NMNAT3: variants seen among roughly 807,000 people sequenced by gnomAD.
The protein encoded by NMNAT3 is nicotinamide/nicotinic acid mononucleotide adenylyltransferase 3.
NMNAT3 carries 21 observed loss-of-function variants against 24.8 expected under a neutral mutation model. The observed-to-expected ratio is 0.85, with a 90% CI of 0.60 to 1.22. The LOEUF is 1.22. Among genes scored for constraint, NMNAT3 ranks in the 50% most tolerant of loss-of-function variants. NMNAT3 has a pLI of 0.00. For synonymous variants in NMNAT3, 136 were observed against 155.2 expected, an observed-to-expected ratio of 0.88 and a Z score of 0.92; for missense variants, 387 against 436.6, an observed-to-expected ratio of 0.89 and a Z score of 1.01.
At chr3:139,656,625 CA>C (rs1271264622) in intron 1 of NMNAT3, among the ~76,000 whole-genome samples, 1 of 152,102 alleles carries the variant, frequency 6.6e-6, no homozygotes, top group African/African-American at 2.4e-5. Context: ...CCCATATCTA[CA>C]AAACTGTTTT....
At chr3:139,666,414 C>T (rs1286287297) in intron 1 of NMNAT3, among the ~76,000 whole-genome samples, 2 of 152,144 alleles carry the variant, frequency 1.3e-5, no homozygotes, top group African/African-American at 4.8e-5. Context: ...AGCTGCCAGC[C>T]GCCATCAATT....
chr3:139,619,989 A>T (rs79374472), intron 3 of NMNAT3, among the ~76,000 whole-genome samples: 3 of 152,084 alleles, frequency 2.0e-5, no homozygotes, highest in Non-Finnish European at 4.4e-5. Flanking sequence ...CCAGTCTTCA[A>T]ATTTCTCCAA....
At chr3:139,630,180 G>C (rs186205564) in intron 2 of NMNAT3, among the ~76,000 whole-genome samples, 1 of 152,188 alleles carries the variant, frequency 6.6e-6, no homozygotes, top group East Asian at 1.9e-4. Flanking sequence ...AAGAACACAA[G>C]AGCTTTTTTA....
intron 5 of NMNAT3, among the ~76,000 whole-genome samples, chr3:139,574,234 G>T (rs1938931001): frequency 6.6e-6 from 1 of 152,248 alleles, no homozygotes; most frequent in Admixed American, 6.5e-5. Flanking sequence ...GCCAGGGCTT[G>T]CAGCCAGATG....
intron 3 of NMNAT3, among the ~76,000 whole-genome samples, chr3:139,624,483 C>T (rs1289817225): frequency 6.6e-6 from 1 of 151,102 alleles, no homozygotes; most frequent in African/African-American, 2.4e-5. Context: ...AGTCTCGCTG[C>T]ACTCCCCAGG....
At chr3:139,676,298 G>A (rs532053074) in intron 1 of NMNAT3, among the ~76,000 whole-genome samples, 1 of 152,340 alleles carries the variant, frequency 6.6e-6, no homozygotes, top group Middle Eastern at 3.4e-3. Context: ...AAAATACAGT[G>A]AGCAGCTGAC....
chr3:139,612,989 T>A (rs1182632398), intron 3 of NMNAT3, among the ~76,000 whole-genome samples: 1 of 152,164 alleles, frequency 6.6e-6, no homozygotes, highest in Non-Finnish European at 1.5e-5. Flanking sequence ...CAATTCAAGA[T>A]GGATTAAAGA....
At chr3:139,620,165 G>T (rs1190952821) in intron 3 of NMNAT3, among the ~76,000 whole-genome samples, 2 of 141,290 alleles carry the variant, frequency 1.4e-5, no homozygotes, top group African/African-American at 2.6e-5. Flanking sequence ...AGAATGTATT[G>T]TATCTTATGT....
intron 1 of NMNAT3, among the ~76,000 whole-genome samples, chr3:139,643,387 G>C (rs1014092992): frequency 2.0e-5 from 3 of 152,122 alleles, no homozygotes; most frequent in African/African-American, 7.2e-5. Context: ...ATTAAAAACA[G>C]TGATACAAAC....
intron 1 of NMNAT3, among the ~76,000 whole-genome samples, chr3:139,676,238 A>G (rs925161793): frequency 1.3e-5 from 2 of 152,200 alleles, no homozygotes; most frequent in Non-Finnish European, 1.5e-5. Context: ...TTTGTCTACA[A>G]CAATGTTGTG....
chr3:139,579,578 C>T (rs760806051), intron 4 of NMNAT3, among the ~76,000 whole-genome samples: 2 of 152,116 alleles, frequency 1.3e-5, no homozygotes, highest in Admixed American at 6.5e-5. Context: ...CCACCACTGA[C>T]CTGGGAGGAA....
chr3:139,582,903 A>G (rs1037568131), intron 4 of NMNAT3: 17 of 1,375,770 alleles, frequency 1.2e-5, no homozygotes, highest in Non-Finnish European at 1.5e-5. Context: ...GAGCAGTCCA[A>G]AAAAATATAT....
intron 1 of NMNAT3, among the ~76,000 whole-genome samples, chr3:139,657,194 C>A (rs2057273350): frequency 6.6e-6 from 1 of 152,218 alleles, no homozygotes; most frequent in South Asian, 2.1e-4. Flanking sequence ...GGGGCAGAAA[C>A]TAACAGGAGC....
intron 5 of NMNAT3, 42 bp from the exon 6 acceptor site, chr3:139,573,722 A>G: frequency 3.6e-6 from 4 of 1,096,690 alleles, no homozygotes; most frequent in East Asian, 2.6e-5. Context: ...TCTGTCCTCC[A>G]GCCCTCAAAG....
chr3:139,647,080 T>C (rs2056896333), intron 1 of NMNAT3, among the ~76,000 whole-genome samples: 1 of 152,266 alleles, frequency 6.6e-6, no homozygotes, highest in Admixed American at 6.5e-5. Flanking sequence ...AATAGATAGC[T>C]TCTCAATTTC....
intron 4 of NMNAT3, among the ~76,000 whole-genome samples, chr3:139,581,199 A>G (rs1337656669): frequency 1.3e-5 from 2 of 152,250 alleles, no homozygotes; most frequent in African/African-American, 4.8e-5. Flanking sequence ...CTAAAGATAC[A>G]GAATAACCAA....
rs530632673 is a variant in NMNAT3, at chr3:139,642,426, A to C, written c.-140-4364T>G. Among the ~76,000 whole-genome samples the C allele has an allele frequency of 3.0e-4, 45 of 152,340 alleles. No homozygotes were observed. In the South Asian group the frequency reaches 8.5e-3, roughly 29 times the overall value. On this transcript the variant is annotated intron_variant, in intron 1 of 6. Transcript: ENST00000643695. ...TCTCTAAAATCAAGGAAGCAACTTC[A>C]TGTGGGTTGCAGTTGAAGAGAGACT...
chr3:139,599,221 C>A, intron 3 of NMNAT3: 1 of 614,264 alleles, frequency 1.6e-6, no homozygotes, highest in Non-Finnish European at 2.9e-6. Context: ...TGTGTCAAAA[C>A]AATTGAGAAA....
At chr3:139,629,258 T>G (rs2056188059) in intron 2 of NMNAT3, among the ~76,000 whole-genome samples, 1 of 152,152 alleles carries the variant, frequency 6.6e-6, no homozygotes, top group South Asian at 2.1e-4. Flanking sequence ...GAGAGAGACC[T>G]CTGGTGGCCA....
Sources: gnomAD v4.1 joint callset for allele counts (sites outside exome capture counted in the v4.1 genomes callset) on GRCh38, gnomAD v4.1.1 for gene constraint, MANE v1.5 for transcripts, NCBI Gene and HGNC (gene_info 2026-07-23, HGNC 2026-07-21) for gene names.